RYR1: variants seen among roughly 807,000 people sequenced by gnomAD.
The protein encoded by RYR1 is ryanodine receptor 1.
RYR1 carries 342 observed loss-of-function variants against 583.5 expected under a neutral mutation model. That is an observed-to-expected ratio of 0.59 (90% CI 0.54 to 0.64). The LOEUF (loss-of-function observed/expected upper bound fraction) is 0.64, where lower values mean the gene tolerates loss of function less well. Among genes scored for constraint, RYR1 ranks in the 30% least tolerant of loss-of-function variants. The probability of loss-of-function intolerance (pLI) is 0.00; values close to 1 mark genes in which losing one functional copy is unlikely to be tolerated. For synonymous variants in RYR1, 2,791 were observed against 2,822.5 expected, an observed-to-expected ratio of 0.99 and a Z score of 0.35; for missense variants, 6,032 against 6,917.2, an observed-to-expected ratio of 0.87 and a Z score of 4.54.
At position 38,561,179 on chromosome 19, in the gene RYR1, G is replaced by A. The variant is rs759240796; in HGVS notation, c.12349G>A (p.Asp4117Asn). The change falls in exon 90 of 106, where the codon GAT becomes AAT. Residue 4117 changes from aspartate (D) to asparagine (N), a missense_variant. This residue lies in a region of RYR1 where 753 missense variants were observed against 759.6 expected (regional missense o/e 0.99). Coordinates refer to ENST00000359596, the MANE Select transcript of RYR1 (RefSeq NM_000540.3). This position sits in a 1 kb window ranked among gnomAD's most constrained non-coding sequence, Gnocchi z 4.8. Reference protein sequence around the residue: ...IQFLLSCSEADENEMINCEEF... With the variant: ...IQFLLSCSEANENEMINCEEF... ...GTTCCTGCTTTCGTGCTCCGAAGCG[G>A]ATGAGAACGAAATGATCAACTGCGA... 55 of 1,614,078 alleles carry A rather than the reference G, an allele frequency of 3.4e-5. No homozygotes were observed. The highest frequency in any genetic ancestry group is 4.4e-5 in the Non-Finnish European group (52 of 1,180,038).
intron 58 of RYR1, among the ~76,000 whole-genome samples, 193 bp from the exon 59 acceptor site, chr19:38,510,305 G>GA (rs1308707764): frequency 6.7e-6 from 1 of 148,448 alleles, no homozygotes; most frequent in Non-Finnish European, 1.5e-5. Context: ...TGGGTGACAA[G>GA]AAAAAAAAAA....
chr19:38,570,269 T>C (rs1190891855), intron 93 of RYR1, among the ~76,000 whole-genome samples: 2 of 152,014 alleles, frequency 1.3e-5, no homozygotes, highest in African/African-American at 2.4e-5. Context: ...CTGGCCAATA[T>C]GGTGAAACCC....
At position 38,485,970 on chromosome 19, in the gene RYR1, G is replaced by C. The variant is rs1568484843; in HGVS notation, c.5315G>C (p.Arg1772Thr). 1.2e-6 allele frequency: 2 copies of C among 1,613,680 alleles called. No individual in the cohort carries two copies. Among genetic ancestry groups the C allele is most frequent in the Non-Finnish European group, 1.7e-6 (2 of 1,179,982 alleles). ...GGAGTTGGAGTCACCACTTCGCTGAGGCCCCCGCATCATTTCTCGCCCCCC... is the reference window on the plus strand; with the variant it reads ...GGAGTTGGAGTCACCACTTCGCTGACGCCCCCGCATCATTTCTCGCCCCCC... ...LPGVGVTTSL[R>T]PPHHFSPPCF... The change falls in exon 34 of 106, where the codon AGG becomes ACG. Residue 1772 changes from arginine to threonine, a missense_variant. By Grantham distance (71) the Arg-to-Thr change is moderately conservative. Transcript: ENST00000359596.
chr19:38,537,803 A>G (rs966271817), intron 83 of RYR1, 77 bp from the exon 84 acceptor site: 6 of 1,310,994 alleles, frequency 4.6e-6, no homozygotes, highest in East Asian at 4.6e-5. Context: ...TGCAGTGTGC[A>G]TGGGCCTTGT....
At chr19:38,493,000 TG>T (rs1406675273) in intron 38 of RYR1, among the ~76,000 whole-genome samples, 1 of 151,078 alleles carries the variant, frequency 6.6e-6, no homozygotes, top group Non-Finnish European at 1.5e-5. Context: ...ATGCAGGAGG[TG>T]GGGGTTGCAG....
At chr19:38,579,585 C>A in intron 99 of RYR1, among the ~76,000 whole-genome samples, 2 of 140,388 alleles carry the variant, frequency 1.4e-5, no homozygotes. Context: ...TGTGAAACTC[C>A]ATCTCAAAAA....
intron 76 of RYR1, among the ~76,000 whole-genome samples, chr19:38,532,228 TCTC>T (rs1357322630): frequency 6.6e-6 from 1 of 151,668 alleles, no homozygotes; most frequent in Non-Finnish European, 1.5e-5. Flanking sequence ...TTCAAGCAAT[TCTC>T]CTGCCTCAGC....
rs1172226073 is a variant in RYR1, at chr19:38,543,339, C to G, written c.11690-8C>G. ...AGGTGCTGGATAAATGACTTTTCAT[C>G]TCCCCAGATTTCCAGAACTACCTAC... On this transcript the variant is annotated splice_region_variant and splice_polypyrimidine_tract_variant and intron_variant, in intron 84 of 105. Coordinates refer to ENST00000359596, the MANE Select transcript of RYR1 (RefSeq NM_000540.3). This position sits in a 1 kb window ranked among gnomAD's most constrained non-coding sequence, Gnocchi z 4.4. 6.2e-7 allele frequency: 1 copy of G among 1,613,650 alleles called. No individual in the cohort carries two copies. The highest frequency in any genetic ancestry group is 1.1e-5 in the South Asian group (1 of 91,066).
intron 9 of RYR1, 61 bp downstream of exon 9, chr19:38,446,829 G>A: frequency 7.5e-7 from 1 of 1,330,008 alleles, no homozygotes; most frequent in Non-Finnish European, 1.1e-6. Context: ...CAGGCTGGGA[G>A]GACAGAAAAG....
chr19:38,562,982 G>A (rs1973221987), intron 90 of RYR1, among the ~76,000 whole-genome samples: 1 of 152,114 alleles, frequency 6.6e-6, no homozygotes, highest in African/African-American at 2.4e-5. Flanking sequence ...GCAGCATCCT[G>A]GCACCCAGGA....
intron 11 of RYR1, among the ~76,000 whole-genome samples, chr19:38,451,429 G>C (rs1298882775): frequency 6.6e-6 from 1 of 152,116 alleles, no homozygotes; most frequent in Non-Finnish European, 1.5e-5. Context: ...TCAGCAGTAG[G>C]TACAGGTGGA....
rs113389877 is a variant in RYR1, at chr19:38,442,399, G to T, written c.216G>T (p.Leu72=). 725 of 1,613,618 alleles carry T rather than the reference G, an allele frequency of 4.5e-4. 2 individuals carry two copies. The African/African-American group carries it at 7.1e-3, about 16-fold the overall frequency. Residue 72 remains leucine, a synonymous_variant, in exon 3 of 106, where the codon CTG becomes CTT. Coordinates refer to ENST00000359596, the MANE Select transcript of RYR1 (RefSeq NM_000540.3). ...AICCFVLEQS[L]SVRALQEMLA... Reference sequence around the variant, plus strand: ...GTTGCTTCGTCCTGGAGCAGTCCCTGTCTGTGCGAGCCCTGCAGGAGATGC... The same window carrying T: ...GTTGCTTCGTCCTGGAGCAGTCCCTTTCTGTGCGAGCCCTGCAGGAGATGC...
At chr19:38,461,338 C>T (rs558190810) in intron 20 of RYR1, among the ~76,000 whole-genome samples, 1 of 152,182 alleles carries the variant, frequency 6.6e-6, no homozygotes, top group African/African-American at 2.4e-5. Flanking sequence ...TGGGGAGCTG[C>T]CCTAGAAGCT....
chr19:38,536,053 T>G lies in RYR1; in HGVS notation c.11573T>G (p.Val3858Gly). The G allele has an allele frequency of 6.2e-7, 1 of 1,613,404 alleles. No homozygotes were observed. The highest frequency in any genetic ancestry group is 8.5e-7 in the Non-Finnish European group (1 of 1,179,934). Residue 3858 changes from valine to glycine, a missense_variant, in exon 82 of 106, where the codon GTG (valine) becomes GGG (glycine). Val to Gly is a moderately radical substitution (Grantham distance 109). Transcript: ENST00000359596. ...RQNKAEGLGM[V>G]NEDGTVINRQ... ...AACAAGGCCGAGGGGCTGGGCATGG[T>G]GAATGAGGATGGCACTGGTGAGGCC...
rs770809214 is a variant in RYR1, at chr19:38,458,237, C to T, written c.2112C>T (p.Asn704=). The T allele has an allele frequency of 1.7e-5, 28 of 1,613,894 alleles. No homozygotes were observed. Among genetic ancestry groups the T allele is most frequent in the African/African-American group, 4.0e-5 (3 of 74,908 alleles). The change falls in exon 18 of 106, where the codon AAC becomes AAT. Residue 704 remains asparagine, a synonymous_variant. Coordinates refer to ENST00000359596, the MANE Select transcript of RYR1 (RefSeq NM_000540.3). The part of the protein sequence containing the change: ...YPGAGEGWGG[N]GVGDDLYSYG... ...GGGCCGGCGAGGGCTGGGGCGGCAACGGGGTCGGCGATGACCTCTATTCCT... is the reference window on the plus strand; with the variant it reads ...GGGCCGGCGAGGGCTGGGGCGGCAATGGGGTCGGCGATGACCTCTATTCCT...
chr19:38,527,454 G>A, intron 72 of RYR1, 193 bp from the exon 73 acceptor site: 1 of 693,988 alleles, frequency 1.4e-6, no homozygotes, highest in African/African-American at 1.8e-5. Flanking sequence ...AGGTTGCAGT[G>A]AGCTGAGATC....
intron 69 of RYR1, 82 bp downstream of exon 69, chr19:38,523,391 C>T: frequency 6.5e-7 from 1 of 1,540,186 alleles, no homozygotes. Flanking sequence ...CTGTCCTCAC[C>T]CAGCCAGCCC....
intron 88 of RYR1, 91 bp downstream of exon 88, chr19:38,546,617 C>A (rs1046967684): frequency 4.0e-6 from 4 of 995,398 alleles, no homozygotes; most frequent in Non-Finnish European, 3.2e-6. Context: ...CCCTAATCCT[C>A]AACCCCATCT....
chr19:38,525,382 G>A lies in RYR1; in HGVS notation c.10506G>A (p.Arg3502=). 1.2e-6 allele frequency: 2 copies of A among 1,614,004 alleles called. No individual in the cohort carries two copies. Among genetic ancestry groups the A allele is most frequent in the East Asian group, 2.2e-5 (1 of 44,864 alleles). The change falls in exon 71 of 106, where the codon CGG becomes CGA. Residue 3502 remains arginine, a synonymous_variant. Transcript: ENST00000359596. ...CCAAGAAGAAGCGCCGGGGGGACCG[G>A]TACTCTGTGCAGACGTCACTGATCG... ...ERTKKKRRGD[R]YSVQTSLIVA...
Sources: gnomAD v4.1 joint callset for allele counts (sites outside exome capture counted in the v4.1 genomes callset) on GRCh38, gnomAD v4.1.1 for gene constraint, gnomAD v4.1.1 regional missense constraint, Gnocchi (gnomAD v3.1) non-coding constraint, MANE v1.5 for transcripts, NCBI Gene and HGNC (gene_info 2026-07-23, HGNC 2026-07-21) for gene names.